Variants in CD1B observed in about 807,000 individuals in gnomAD.
The protein encoded by CD1B is CD1b molecule, also known as T-cell surface glycoprotein CD1b.
CD1B carries 43 observed loss-of-function variants against 39.8 expected under a neutral mutation model. The observed-to-expected ratio is 1.08, with a 90% CI of 0.85 to 1.39. The LOEUF (loss-of-function observed/expected upper bound fraction) is 1.39, where lower values mean the gene tolerates loss of function less well. Ranked by LOEUF, CD1B falls within the 40% of genes most tolerant of loss-of-function variation. The probability of loss-of-function intolerance (pLI) is 0.00; values close to 1 mark genes in which losing one functional copy is unlikely to be tolerated. For missense variants in CD1B, 495 were observed against 403.8 expected (o/e 1.23, Z -1.94); for synonymous variants, 192 against 152.5 (o/e 1.26, Z -1.91).
chr1:158,309,343 G>A, the CD1B span, among the ~76,000 whole-genome samples: 2 of 152,192 alleles, frequency 1.3e-5, no homozygotes, highest in African/African-American at 2.4e-5. Flanking sequence ...GAGGTGTGGA[G>A]AGGATGTGGA....
the CD1B span, among the ~76,000 whole-genome samples, chr1:158,316,580 A>C: frequency 2.6e-5 from 4 of 151,658 alleles, no homozygotes; most frequent in African/African-American, 9.7e-5. Context: ...GGTTTTCTAG[A>C]TATACAATCA....
At chr1:158,321,610 T>C in the CD1B span, among the ~76,000 whole-genome samples, 1 of 152,250 alleles carries the variant, frequency 6.6e-6, no homozygotes, top group Non-Finnish European at 1.5e-5. Context: ...GCTATATCCT[T>C]TTGTGGTTAA....
chr1:158,293,491 A>G, the CD1B span: 1 of 1,612,906 alleles, frequency 6.2e-7, no homozygotes, highest in Non-Finnish European at 8.5e-7. Flanking sequence ...CTTCCCCCTG[A>G]CTCCCCCATT....
At chr1:158,300,625 G>T in the CD1B span, among the ~76,000 whole-genome samples, 1 of 152,002 alleles carries the variant, frequency 6.6e-6, no homozygotes, top group Non-Finnish European at 1.5e-5. Context: ...AAGTCTCTTC[G>T]TAGGTCTGTA....
chr1:158,329,409 G>A lies in CD1B; in HGVS notation c.847C>T (p.His283Tyr). Residue 283 changes from histidine to tyrosine, a missense_variant, in exon 4 of 6, where the codon CAC (histidine) becomes TAC (tyrosine). His to Tyr is a moderately conservative substitution (Grantham distance 83). Coordinates refer to ENST00000368168, the MANE Select transcript of CD1B (RefSeq NM_001764.3). The stretch of plus-strand genomic sequence containing the variant: ...ATGTCCTGGCCCTCTAAACTGCTGT[G>A]CTTCACCCGACAGGACAGGCCAGCC... Reference protein sequence around the residue: ...EAAGLSCRVKHSSLEGQDIIL... With the variant: ...EAAGLSCRVKYSSLEGQDIIL... 6.2e-7 allele frequency: 1 copy of A among 1,614,120 alleles called. No homozygotes were observed. The highest frequency in any genetic ancestry group is 1.1e-5 in the South Asian group (1 of 91,072).
the CD1B span, among the ~76,000 whole-genome samples, chr1:158,308,725 T>C: frequency 2.6e-5 from 4 of 152,162 alleles, no homozygotes; most frequent in Non-Finnish European, 4.4e-5. Flanking sequence ...AAACCAGCAA[T>C]GGGGAAAGGA....
At chr1:158,292,007 G>C in the CD1B span, 1 of 1,431,242 alleles carries the variant, frequency 7.0e-7, no homozygotes, top group Non-Finnish European at 9.5e-7. Flanking sequence ...TTCACTTCCT[G>C]ATACAGCCCT....
chr1:158,291,025 T>G, the CD1B span: 1 of 1,130,836 alleles, frequency 8.8e-7, no homozygotes, highest in Non-Finnish European at 1.2e-6. Context: ...GCTAAAGTAG[T>G]CATTAATGTT....
downstream of CD1B, among the ~76,000 whole-genome samples, chr1:158,327,692 G>A (rs1652405629): frequency 1.3e-5 from 2 of 152,210 alleles, no homozygotes; most frequent in Non-Finnish European, 2.9e-5. Context: ...TGTGAGTAAA[G>A]TGTAAAGTGG....
At chr1:158,292,107 G>A in the CD1B span, 1 of 1,614,042 alleles carries the variant, frequency 6.2e-7, no homozygotes, top group South Asian at 1.1e-5. Flanking sequence ...ACAGGTGAAA[G>A]CGGGCTGTGA....
chr1:158,318,460 G>A, the CD1B span, among the ~76,000 whole-genome samples: 1 of 152,074 alleles, frequency 6.6e-6, no homozygotes. Context: ...TTTAAAGTCG[G>A]TTTTATCAGA....
chr1:158,298,767 C>T, the CD1B span, among the ~76,000 whole-genome samples: 327 of 152,202 alleles, frequency 2.1e-3, 5 homozygotes, highest in Non-Finnish European at 3.5e-3. Context: ...ATTTTATTCT[C>T]TTTGAAGCGA....
At chr1:158,309,652 T>G in the CD1B span, among the ~76,000 whole-genome samples, 1 of 152,008 alleles carries the variant, frequency 6.6e-6, no homozygotes, top group Non-Finnish European at 1.5e-5. Context: ...TATGCAGCCA[T>G]AAAAAATGAT....
chr1:158,308,819 C>T, the CD1B span, among the ~76,000 whole-genome samples: 8 of 152,260 alleles, frequency 5.3e-5, no homozygotes, highest in East Asian at 5.8e-4. Flanking sequence ...ACACCTTATA[C>T]AAAAATCAAT....
Position 158,329,467 on chromosome 1 carries a change from G to T in CD1B, c.789C>A (p.Leu263=). 1 of 1,614,162 alleles carries T rather than the reference G, an allele frequency of 6.2e-7. No individual in the cohort carries two copies. Among genetic ancestry groups the T allele is most frequent in the Non-Finnish European group, 8.5e-7 (1 of 1,180,034 alleles). The part of the protein sequence containing the change: ...ILPNANWTWY[L]RATLDVADGE... ...CATCTGCCACATCCAGGGTTGCTCG[G>T]AGATACCATGTCCAGTTAGCATTGG... is the stretch of plus-strand genomic sequence containing the variant. Residue 263 remains leucine, a synonymous_variant, in exon 4 of 6, where the codon CTC becomes CTA. Coordinates refer to ENST00000368168, the MANE Select transcript of CD1B (RefSeq NM_001764.3).
At position 158,331,118 on chromosome 1, in the gene CD1B, T is replaced by G. The variant is rs1652586292; in HGVS notation, c.62-56A>C. On this transcript the variant is annotated intron_variant, in intron 1 of 5. Transcript: ENST00000368168. ...GATAAAGAGAGAAGCAGGAGACAAT[T>G]AGGAAGAATGGGAATGAAAATGATT... is the stretch of plus-strand genomic sequence containing the variant. The G allele has an allele frequency of 2.0e-6, 3 of 1,486,122 alleles. No individual in the cohort carries two copies. The Admixed American group carries it at 6.4e-5, about 32-fold the overall frequency. The allele number at this position is 1,486,122 out of a possible 1,614,324, so 92.1% of individuals were successfully genotyped here.
chr1:158,293,675 A>G, the CD1B span: 7 of 1,282,742 alleles, frequency 5.5e-6, no homozygotes, highest in Non-Finnish European at 7.7e-6. Flanking sequence ...CTCAACCTTC[A>G]AAGCCCATTT....
the CD1B span, among the ~76,000 whole-genome samples, chr1:158,295,201 A>C: frequency 5.9e-5 from 9 of 152,078 alleles, no homozygotes; most frequent in African/African-American, 2.2e-4. Context: ...CAAGACCATC[A>C]AGAAGAGCAG....
the CD1B span, among the ~76,000 whole-genome samples, chr1:158,308,425 C>A: frequency 6.6e-6 from 1 of 152,162 alleles, no homozygotes; most frequent in Non-Finnish European, 1.5e-5. Flanking sequence ...TTTGTAGATT[C>A]AATGCCATCT....
Sources: allele counts gnomAD v4.1 joint callset (sites outside exome capture counted in the v4.1 genomes callset), GRCh38; gene constraint gnomAD v4.1.1; transcripts MANE v1.5; gene names NCBI Gene and HGNC (gene_info 2026-07-23, HGNC 2026-07-21).